SFI1: variants seen among roughly 807,000 people sequenced by gnomAD.
SFI1 encodes the protein SFI1 centrin binding protein.
SFI1 carries 195 observed loss-of-function variants against 207.5 expected under a neutral mutation model. The observed-to-expected ratio is 0.94, with a 90% CI of 0.84 to 1.06. The LOEUF (loss-of-function observed/expected upper bound fraction) is 1.06, where lower values mean the gene tolerates loss of function less well. Ranked by LOEUF, SFI1 falls within the 50% of genes least tolerant of loss-of-function variation. The pLI is 0.00. For synonymous variants in SFI1, 630 were observed against 598.9 expected, an observed-to-expected ratio of 1.05 and a Z score of -0.76; for missense variants, 1,634 against 1,588.0, an observed-to-expected ratio of 1.03 and a Z score of -0.49.
chr22:31,512,461 C>CA (rs34445747), intron 2 of SFI1, among the ~76,000 whole-genome samples: 33,033 of 151,780 alleles, frequency 0.22, 4,591 homozygotes, highest in East Asian at 0.44. Flanking sequence ...TATATATTGA[C>CA]AAATTATAGT....
chr22:31,594,657 C>T (rs891070540), intron 15 of SFI1, among the ~76,000 whole-genome samples: 9 of 151,404 alleles, frequency 5.9e-5, no homozygotes, highest in Admixed American at 5.9e-4. Context: ...AGATCAAGAC[C>T]ATCCTGGCTA....
intron 25 of SFI1, 23 bp from the exon 26 acceptor site, chr22:31,613,331 C>T (rs1396837739): frequency 6.2e-7 from 1 of 1,603,160 alleles, no homozygotes; most frequent in Admixed American, 1.7e-5. Flanking sequence ...AGACCTGGGC[C>T]TCACCTCCTG....
chr22:31,545,848 G>A (rs2060030744), intron 4 of SFI1, among the ~76,000 whole-genome samples: 1 of 148,828 alleles, frequency 6.7e-6, no homozygotes, highest in East Asian at 2.0e-4. Flanking sequence ...CAAAGTGCTG[G>A]GATTGCAGGT....
chr22:31,497,259 T>C (rs2052842311), intron 1 of SFI1: 1 of 152,240 alleles, frequency 6.6e-6, no homozygotes, highest in East Asian at 1.9e-4. Context: ...TACCGTGTTT[T>C]TTACAAATTG....
chr22:31,576,437 C>G (rs1307748867), intron 10 of SFI1, among the ~76,000 whole-genome samples: 1 of 151,740 alleles, frequency 6.6e-6, no homozygotes, highest in Non-Finnish European at 1.5e-5. Flanking sequence ...TGTCCTGTCT[C>G]AGCCTCCTGA....
At chr22:31,500,456 ATTTATTTTTATT>A (rs928412796) in intron 1 of SFI1, among the ~76,000 whole-genome samples, 1 of 152,024 alleles carries the variant, frequency 6.6e-6, no homozygotes, top group Non-Finnish European at 1.5e-5. Context: ...AGGTGTTTTT[ATTTATTTTTATT>A]TTTATTTTTG....
Position 31,602,128 on chromosome 22 carries a change from A to C in SFI1, c.1545-84A>C. 4.2e-6 allele frequency: 5 copies of C among 1,199,796 alleles called. 1 individual carries two copies. In the South Asian group the frequency reaches 6.1e-5, roughly 15 times the overall value. The allele number at this position is 1,199,796 out of a possible 1,614,324, so 74.3% of individuals were successfully genotyped here. On this transcript the variant is annotated intron_variant, in intron 15 of 32. Transcript: ENST00000400288. ...ACGATAGCATGGTATAAAAGGAAAA[A>C]TCCAATTATTTGGAACTTCTAGTTC... is the stretch of plus-strand genomic sequence containing the variant.
chr22:31,549,835 T>C (rs1161733275), intron 5 of SFI1, among the ~76,000 whole-genome samples: 3 of 152,138 alleles, frequency 2.0e-5, no homozygotes, highest in African/African-American at 7.2e-5. Context: ...TATGGCTTTT[T>C]TTTTTTTTTA....
At chr22:31,579,942 A>G (rs2054429505) in intron 11 of SFI1, 1 of 193,874 alleles carries the variant, frequency 5.2e-6, no homozygotes, top group South Asian at 1.6e-4. Context: ...CTGAGAGGCA[A>G]CAGTTGATGT....
intron 15 of SFI1, among the ~76,000 whole-genome samples, chr22:31,599,147 T>C (rs1390847032): frequency 1.3e-5 from 2 of 151,964 alleles, no homozygotes; most frequent in East Asian, 3.9e-4. Flanking sequence ...TAAGAAATAT[T>C]TGCTACTCTA....
At chr22:31,614,207 C>A in intron 27 of SFI1, 3 of 354,004 alleles carry the variant, frequency 8.5e-6, no homozygotes, top group Non-Finnish European at 1.1e-5. Context: ...CTACCCGTGC[C>A]TGCCGGCCTC....
In SFI1 at chr22:31,618,359, C is replaced by T. The variant is rs763543767; in HGVS notation, c.3670C>T (p.Arg1224Cys). The change falls in exon 33 of 33, where the codon CGC becomes TGC. Residue 1224 changes from arginine to cysteine, a missense_variant. By Grantham distance (180) the Arg-to-Cys change is radical. Transcript: ENST00000400288. ...GCTGGCAGAGGAGCTCCAGGCTCAGCGCCAGCCCATTGGCGCCTGCGTTGC... is the reference window on the plus strand; with the variant it reads ...GCTGGCAGAGGAGCTCCAGGCTCAGTGCCAGCCCATTGGCGCCTGCGTTGC... ...QLLAEELQAQRQPIGACVARI... is the reference protein window; with the variant it reads ...QLLAEELQAQCQPIGACVARI... The T allele has an allele frequency of 8.1e-6, 13 of 1,608,592 alleles. No homozygotes were observed. Among genetic ancestry groups the T allele is most frequent in the South Asian group, 3.3e-5 (3 of 90,846 alleles).
chr22:31,553,185 T>C (rs934581803), intron 6 of SFI1, among the ~76,000 whole-genome samples: 12 of 152,148 alleles, frequency 7.9e-5, no homozygotes, highest in African/African-American at 2.9e-4. Flanking sequence ...TAAGATGATA[T>C]CTCATTGTGG....
intron 29 of SFI1, chr22:31,616,419 T>C: frequency 3.7e-6 from 1 of 273,188 alleles, no homozygotes; most frequent in Non-Finnish European, 6.9e-6. Flanking sequence ...AGCAAGGTCA[T>C]GAGCTTAGAG....
At position 31,611,926 on chromosome 22, in the gene SFI1, C is replaced by T. The variant is rs1387999936; in HGVS notation, c.2490+86C>T. 21 of 1,563,396 alleles carry T rather than the reference C, an allele frequency of 1.3e-5. No homozygotes were observed. In the South Asian group the frequency reaches 2.2e-4, roughly 17 times the overall value. ...TGGGCAGTGAATGACCTTCAGCCTACACCTCTAGTTCAGTATTTTTACTAT... is the reference window on the plus strand; with the variant it reads ...TGGGCAGTGAATGACCTTCAGCCTATACCTCTAGTTCAGTATTTTTACTAT... On this transcript the variant is annotated intron_variant, in intron 24 of 32. Coordinates refer to ENST00000400288, the MANE Select transcript of SFI1 (RefSeq NM_001007467.3).
At chr22:31,562,635 T>A (rs200508360) in intron 8 of SFI1, among the ~76,000 whole-genome samples, 2 of 77,734 alleles carry the variant, frequency 2.6e-5, no homozygotes, top group Non-Finnish European at 5.1e-5. Context: ...GGTTTTTTTA[T>A]TTTTTTTTGA....
intron 31 of SFI1, among the ~76,000 whole-genome samples, chr22:31,617,783 A>G (rs2071980827): frequency 6.6e-6 from 1 of 151,050 alleles, no homozygotes; most frequent in Admixed American, 6.6e-5. Context: ...TGGTCTGGGG[A>G]CCATTCAACA....
chr22:31,584,193 T>C (rs2064719618), intron 13 of SFI1, among the ~76,000 whole-genome samples: 2 of 152,188 alleles, frequency 1.3e-5, no homozygotes, highest in Non-Finnish European at 2.9e-5. Context: ...TTGGCCACCA[T>C]AGTCTGAAGT....
At chr22:31,612,258 T>A in intron 24 of SFI1, 1 of 175,530 alleles carries the variant, frequency 5.7e-6, no homozygotes, top group Non-Finnish European at 1.1e-5. Context: ...TGGGCGCCTG[T>A]AGTCCCAGCT....
Sources: gnomAD v4.1 joint callset for allele counts (sites outside exome capture counted in the v4.1 genomes callset) on GRCh38, gnomAD v4.1.1 for gene constraint, MANE v1.5 for transcripts, NCBI Gene and HGNC (gene_info 2026-07-23, HGNC 2026-07-21) for gene names.